The following ASTN2 variants were observed in gnomAD, a reference collection of about 807,000 sequenced individuals.
ASTN2 encodes the protein astrotactin 2, also known as astrotactin-2.
Under a neutral mutation model 139.8 loss-of-function variants are expected in ASTN2, and 54 were observed. The ratio of observed to expected loss-of-function variants is 0.39; its 90% confidence interval spans 0.31 to 0.48. ASTN2 has a LOEUF of 0.48. Ranked by LOEUF, ASTN2 falls within the 20% of genes least tolerant of loss-of-function variation. The probability of loss-of-function intolerance (pLI) is 0.95; values close to 1 mark genes in which losing one functional copy is unlikely to be tolerated. For missense variants in ASTN2, 1,565 were observed against 1,725.1 expected (o/e 0.91, Z 1.64); for synonymous variants, 756 against 719.5 (o/e 1.05, Z -0.81).
intron 11 of ASTN2, 98 bp downstream of exon 11, chr9:116,863,485 T>A (rs1832944324): frequency 4.0e-6 from 6 of 1,484,682 alleles, no homozygotes. Context: ...AGTGTGGATA[T>A]GATCCTCCTT....
intron 7 of ASTN2, among the ~76,000 whole-genome samples, chr9:117,000,112 G>C (rs571866387): frequency 1.3e-5 from 2 of 152,292 alleles, no homozygotes; most frequent in African/African-American, 4.8e-5. Flanking sequence ...ATAGAAATAA[G>C]AGAAAACCTT....
At chr9:117,336,399 G>A (rs1214104964) in intron 1 of ASTN2, among the ~76,000 whole-genome samples, 2 of 152,130 alleles carry the variant, frequency 1.3e-5, no homozygotes, top group African/African-American at 2.4e-5. Flanking sequence ...GAGGTGAAAA[G>A]GGGAAGTCAG....
At chr9:116,608,413 T>C (rs1012506256) in intron 19 of ASTN2, among the ~76,000 whole-genome samples, 12 of 152,174 alleles carry the variant, frequency 7.9e-5, no homozygotes, top group African/African-American at 2.9e-4. Flanking sequence ...ATGGGCAACT[T>C]GGTAGAGCAC....
At chr9:117,313,724 C>T (rs1828047994) in intron 1 of ASTN2, among the ~76,000 whole-genome samples, 1 of 152,138 alleles carries the variant, frequency 6.6e-6, no homozygotes, top group African/African-American at 2.4e-5. Context: ...TTGGAAAGGA[C>T]TCACATGGTA....
intron 3 of ASTN2, among the ~76,000 whole-genome samples, chr9:117,147,224 A>C (rs767199711): frequency 2.6e-5 from 4 of 152,150 alleles, no homozygotes; most frequent in Non-Finnish European, 5.9e-5. Context: ...CTGTATATTT[A>C]AACTGTCATC....
intron 2 of ASTN2, among the ~76,000 whole-genome samples, chr9:117,252,244 C>A (rs1833559189): frequency 6.6e-6 from 1 of 152,218 alleles, no homozygotes; most frequent in South Asian, 2.1e-4. Context: ...AAAGTGAATT[C>A]TTCCTCCTTG....
intron 22 of ASTN2, among the ~76,000 whole-genome samples, chr9:116,439,158 C>T (rs184888321): frequency 6.7e-6 from 1 of 149,408 alleles, no homozygotes; most frequent in African/African-American, 2.5e-5. Context: ...TTGGTTTTCC[C>T]TTTACAAGAT....
intron 14 of ASTN2, among the ~76,000 whole-genome samples, chr9:116,730,394 G>C (rs1223089414): frequency 2.0e-5 from 3 of 151,870 alleles, no homozygotes; most frequent in Non-Finnish European, 4.4e-5. Context: ...GAATAAAATA[G>C]TTTTTTAGAG....
chr9:116,890,938 C>T (rs1366657922), intron 10 of ASTN2, among the ~76,000 whole-genome samples: 1 of 152,134 alleles, frequency 6.6e-6, no homozygotes, highest in Non-Finnish European at 1.5e-5. Flanking sequence ...TCTCAGCGGC[C>T]TCAAGGTTAG....
At chr9:116,860,703 C>T (rs964144010) in intron 11 of ASTN2, among the ~76,000 whole-genome samples, 5 of 152,202 alleles carry the variant, frequency 3.3e-5, no homozygotes, top group Non-Finnish European at 7.3e-5. Flanking sequence ...TGGTCCTCCA[C>T]CCTGCCACCT....
chr9:116,636,336 G>A (rs928247896), intron 17 of ASTN2, among the ~76,000 whole-genome samples: 3 of 152,164 alleles, frequency 2.0e-5, no homozygotes, highest in African/African-American at 7.2e-5. Context: ...TAGCCTCTGT[G>A]CTTTCTAACT....
chr9:116,964,904 C>G (rs1835972831), intron 10 of ASTN2, among the ~76,000 whole-genome samples: 1 of 152,198 alleles, frequency 6.6e-6, no homozygotes, highest in African/African-American at 2.4e-5. Flanking sequence ...CAAATTCATC[C>G]TCAGTATCTC....
rs747711434 is a variant in ASTN2, at chr9:116,426,006, G to A, written c.3865C>T (p.Arg1289Cys). ...AAAAGATAGGGCACTGTTTCCACGC[G>A]GCTCTGGATGTAGGCACTCCGCAGG... ...SLLRSAYIQS[R>C]VETVPYLFCR... Residue 1289 changes from arginine to cysteine, a missense_variant, in exon 23 of 23, where the codon CGC (arginine) becomes TGC (cysteine). This residue lies in a region of ASTN2 where 418 missense variants were observed against 465.8 expected (regional missense o/e 0.90). Transcript: ENST00000313400. 17 of 1,614,108 alleles carry A rather than the reference G, an allele frequency of 1.1e-5. No individual in the cohort carries two copies. Among genetic ancestry groups the A allele is most frequent in the East Asian group, 2.2e-5 (1 of 44,870 alleles).
intron 13 of ASTN2, among the ~76,000 whole-genome samples, chr9:116,801,128 T>C (rs1830834491): frequency 1.3e-5 from 2 of 152,142 alleles, no homozygotes; most frequent in Non-Finnish European, 2.9e-5. Context: ...TCTCTAGGGC[T>C]GGACCAGAGA....
chr9:116,912,140 C>T (rs1263194656), intron 10 of ASTN2, among the ~76,000 whole-genome samples: 2 of 152,232 alleles, frequency 1.3e-5, no homozygotes, highest in African/African-American at 2.4e-5. Flanking sequence ...TCTGCTTTTA[C>T]ACCTACATGT....
intron 10 of ASTN2, among the ~76,000 whole-genome samples, chr9:116,953,249 A>C (rs1835614644): frequency 6.6e-6 from 1 of 152,242 alleles, no homozygotes; most frequent in African/African-American, 2.4e-5. Context: ...CTGAGGCCTA[A>C]CAAGGTTAAG....
At chr9:116,608,455 A>G (rs1342309299) in intron 19 of ASTN2, among the ~76,000 whole-genome samples, 1 of 152,156 alleles carries the variant, frequency 6.6e-6, no homozygotes, top group African/African-American at 2.4e-5. Context: ...AGTAGACAAT[A>G]ATTAGCCCTA....
In ASTN2 at chr9:116,425,283, C is replaced by A; in HGVS notation, c.*568G>T. The A allele has an allele frequency of 2.2e-6, 1 of 453,264 alleles. No homozygotes were observed. Among genetic ancestry groups the A allele is most frequent in the Non-Finnish European group, 3.9e-6 (1 of 253,388 alleles). The allele number at this position is 453,264 out of a possible 1,614,324, so 28.1% of individuals were successfully genotyped here. ...CAGGCCTGCAGGGACTCTGGGCAGA[C>A]CCACAGGTAGCAGGAAGAGGCAGGG... is the stretch of plus-strand genomic sequence containing the variant. On this transcript the variant is annotated 3_prime_UTR_variant, in exon 23 of 23. Coordinates refer to ENST00000313400, the MANE Select transcript of ASTN2 (RefSeq NM_001365068.1).
At chr9:116,929,334 G>A (rs1448199042) in intron 10 of ASTN2, among the ~76,000 whole-genome samples, 4 of 152,312 alleles carry the variant, frequency 2.6e-5, no homozygotes, top group Middle Eastern at 6.8e-3. Flanking sequence ...TGACATGGCT[G>A]GAATCCTAAG....
Sources: allele counts gnomAD v4.1 joint callset (sites outside exome capture counted in the v4.1 genomes callset), GRCh38; gene constraint gnomAD v4.1.1; regional missense constraint gnomAD v4.1.1; transcripts MANE v1.5; gene names NCBI Gene and HGNC (gene_info 2026-07-23, HGNC 2026-07-21).